The following TMCO5A variants were observed in gnomAD, a reference collection of about 807,000 sequenced individuals.
The protein encoded by TMCO5A is transmembrane and coiled-coil domain-containing protein 5A.
TMCO5A carries 34 observed loss-of-function variants against 42.3 expected under a neutral mutation model. That is an observed-to-expected ratio of 0.80 (90% CI 0.61 to 1.07). The LOEUF (loss-of-function observed/expected upper bound fraction) is 1.07. TMCO5A is among the 50% of genes least tolerant of loss of function. The pLI is 0.00. For missense variants in TMCO5A, 357 were observed against 327.9 expected (o/e 1.09, Z -0.69); for synonymous variants, 131 against 115.6 (o/e 1.13, Z -0.86).
At chr15:37,976,020 G>C in the TMCO5A span, among the ~76,000 whole-genome samples, 1 of 150,862 alleles carries the variant, frequency 6.6e-6, no homozygotes, top group Non-Finnish European at 1.5e-5. Flanking sequence ...AAGGTGGGTG[G>C]ATCACCTGAG....
At chr15:38,010,340 A>C in the TMCO5A span, among the ~76,000 whole-genome samples, 55,718 of 141,388 alleles carry the variant, frequency 0.39, 11,756 homozygotes, top group Middle Eastern at 0.55. Context: ...GCGCCACTGC[A>C]CTCCAGCACT....
the TMCO5A span, among the ~76,000 whole-genome samples, chr15:37,979,530 TG>T: frequency 6.6e-6 from 1 of 152,166 alleles, no homozygotes; most frequent in Admixed American, 6.5e-5. Context: ...TCACACATTG[TG>T]GGTTTAGAAC....
At chr15:38,019,547 G>A in the TMCO5A span, among the ~76,000 whole-genome samples, 9 of 151,988 alleles carry the variant, frequency 5.9e-5, no homozygotes, top group South Asian at 2.1e-4. Flanking sequence ...CCTCCTACCC[G>A]TTCACATTCA....
the TMCO5A span, among the ~76,000 whole-genome samples, chr15:38,010,540 A>G: frequency 1.2e-4 from 18 of 151,880 alleles, no homozygotes; most frequent in African/African-American, 1.9e-4. Flanking sequence ...TCACGAGCGA[A>G]GGAATGTCAG....
At position 37,948,019 on chromosome 15, in the gene TMCO5A, A is replaced by G. The variant is rs1274027379; in HGVS notation, c.668+323A>G. Among the ~76,000 whole-genome samples, 3 of 152,108 alleles carry G rather than the reference A, an allele frequency of 2.0e-5. No homozygotes were observed. The South Asian group carries it at 6.2e-4, about 31-fold the overall frequency. ...CTGCCTTTTCCCTTTAACAATTTGG[A>G]TTAGCTTGATGTATCTGGTTTCCTA... On this transcript the variant is annotated intron_variant, in intron 11 of 11. Transcript: ENST00000319669.
At chr15:37,977,091 C>A in the TMCO5A span, among the ~76,000 whole-genome samples, 1 of 152,108 alleles carries the variant, frequency 6.6e-6, no homozygotes, top group South Asian at 2.1e-4. Flanking sequence ...CTTAAAATTG[C>A]CATTTTGCCT....
At chr15:37,970,203 G>A (rs970030807), downstream of TMCO5A, among the ~76,000 whole-genome samples, 3 of 152,190 alleles carry the variant, frequency 2.0e-5, no homozygotes, top group African/African-American at 7.2e-5. Context: ...AAAGAAGGAG[G>A]CTTATTGGAC....
the TMCO5A span, among the ~76,000 whole-genome samples, chr15:38,002,704 A>T: frequency 1.3e-5 from 2 of 151,930 alleles, no homozygotes; most frequent in African/African-American, 4.8e-5. Context: ...TTCTTTTTTT[A>T]AAATTATTTC....
At chr15:37,990,676 T>C in the TMCO5A span, among the ~76,000 whole-genome samples, 1 of 152,110 alleles carries the variant, frequency 6.6e-6, no homozygotes, top group African/African-American at 2.4e-5. Flanking sequence ...TATTTTTCTA[T>C]ATACCTTTTA....
At chr15:37,969,813 T>C (rs1465379888), downstream of TMCO5A, among the ~76,000 whole-genome samples, 2 of 152,226 alleles carry the variant, frequency 1.3e-5, no homozygotes, top group Non-Finnish European at 2.9e-5. Context: ...TTAGTTTGCT[T>C]ATGATAATGG....
intron 11 of TMCO5A, among the ~76,000 whole-genome samples, chr15:37,966,204 T>A (rs1007712838): frequency 8.6e-5 from 13 of 151,914 alleles, no homozygotes; most frequent in African/African-American, 3.1e-4. Flanking sequence ...ATCAATACAG[T>A]TGAACTCATG....
rs546158760 is a variant in TMCO5A, at chr15:37,962,603, A to G, written c.669-4022A>G. On this transcript the variant is annotated intron_variant, in intron 11 of 11. Transcript: ENST00000559502. ...CCTCTTTATCTTGTGGAATAGTGTC[A>G]AAATGGTTGGTACCAATTCTTCTTT... 7.2e-5 allele frequency among the ~76,000 whole-genome samples: 11 copies of G among 152,226 alleles called. 1 individual carries two copies. The highest frequency in any genetic ancestry group is 2.2e-4 in the African/African-American group (9 of 41,554).
At chr15:38,016,543 C>T in the TMCO5A span, among the ~76,000 whole-genome samples, 10 of 152,150 alleles carry the variant, frequency 6.6e-5, no homozygotes, top group Non-Finnish European at 1.3e-4. Flanking sequence ...AATCTCTGCT[C>T]AAACACCAGT....
At chr15:37,953,937 C>A (rs1890223612), downstream of TMCO5A, among the ~76,000 whole-genome samples, 1 of 151,740 alleles carries the variant, frequency 6.6e-6, no homozygotes, top group South Asian at 2.1e-4. Flanking sequence ...ACACCAGAGT[C>A]TTTTAATAGC....
At position 37,947,087 on chromosome 15, in the gene TMCO5A, C is replaced by T. The variant is rs549145222; in HGVS notation, c.628-569C>T. Among the ~76,000 whole-genome samples, 10 of 152,044 alleles carry T rather than the reference C, an allele frequency of 6.6e-5. No individual in the cohort carries two copies. In the East Asian group the frequency reaches 7.7e-4, roughly 12 times the overall value. On this transcript the variant is annotated intron_variant, in intron 10 of 11. Transcript: ENST00000319669. Reference sequence around the variant, plus strand: ...AGGGATGTTGAATTTTATCAGAGGCCTTTTATGCATCTATTGAGATAATCA... The same window carrying T: ...AGGGATGTTGAATTTTATCAGAGGCTTTTTATGCATCTATTGAGATAATCA...
the TMCO5A span, among the ~76,000 whole-genome samples, chr15:38,008,953 A>C: frequency 1.4e-4 from 22 of 152,334 alleles, no homozygotes; most frequent in East Asian, 3.9e-3. Flanking sequence ...CTCTGATACC[A>C]TTACTTTCCT....
At chr15:37,973,926 G>A in the TMCO5A span, among the ~76,000 whole-genome samples, 2 of 152,028 alleles carry the variant, frequency 1.3e-5, no homozygotes, top group South Asian at 4.1e-4. Flanking sequence ...ATTATTTTGA[G>A]GTATGTTCCT....
chr15:37,935,024 G>A (rs191484083), intron 1 of TMCO5A, among the ~76,000 whole-genome samples: 115 of 152,178 alleles, frequency 7.6e-4, no homozygotes, highest in Middle Eastern at 3.4e-3. Flanking sequence ...TTAATAGGAC[G>A]TATATTCCAG....
rs757328385 is a variant in TMCO5A at position 37,938,122 on chromosome 15, C to A, written c.316-36C>A. 31 of 1,527,078 alleles carry A rather than the reference C, an allele frequency of 2.0e-5. No individual in the cohort carries two copies. The Admixed American group carries it at 6.0e-4, about 30-fold the overall frequency. The allele number at this position is 1,527,078 out of a possible 1,614,324, so 94.6% of individuals were successfully genotyped here. On this transcript the variant is annotated intron_variant, in intron 5 of 11. Coordinates refer to ENST00000319669, the MANE Select transcript of TMCO5A (RefSeq NM_152453.4). Reference sequence around the variant, plus strand: ...CAGAGAAAGTCTTTGCCTTCTACACCTTTTAATTTAGTATATTTTTTATTT... The same window carrying A: ...CAGAGAAAGTCTTTGCCTTCTACACATTTTAATTTAGTATATTTTTTATTT...
Sources: gnomAD v4.1 joint callset for allele counts (sites outside exome capture counted in the v4.1 genomes callset) on GRCh38, gnomAD v4.1.1 for gene constraint, MANE v1.5 for transcripts, NCBI Gene and HGNC (gene_info 2026-07-23, HGNC 2026-07-21) for gene names.